Variants in SEMA3F observed in about 807,000 individuals in gnomAD.
SEMA3F encodes semaphorin 3F.
Under a neutral mutation model 98.5 loss-of-function variants are expected in SEMA3F, and 30 were observed. That is an observed-to-expected ratio of 0.30 (90% CI 0.23 to 0.41). The LOEUF (loss-of-function observed/expected upper bound fraction) is 0.41, where lower values mean the gene tolerates loss of function less well. Ranked by LOEUF, SEMA3F falls within the 10% of genes least tolerant of loss-of-function variation. The pLI is 1.00. For missense variants in SEMA3F, 866 were observed against 1,119.3 expected, an observed-to-expected ratio of 0.77 and a Z score of 3.23; for synonymous variants, 380 against 444.8, an observed-to-expected ratio of 0.85 and a Z score of 1.83.
At chr3:50,184,965 A>G (rs1699154965) in intron 13 of SEMA3F, 151 bp downstream of exon 13, 2 of 643,382 alleles carry the variant, frequency 3.1e-6, no homozygotes, top group African/African-American at 3.7e-5. Context: ...CTCCCTATTG[A>G]TGGGATAACA....
Position 50,174,089 on chromosome 3 carries a change from G to A in SEMA3F, c.311G>A (p.Cys104Tyr). ...GCCTCCCCACAGCGCATCGAGGAAT[G>A]CGTGCTCTCAGGCAAGGATGTCAAC... Reference protein sequence around the residue: ...WAASPQRIEECVLSGKDVNGE... With the variant: ...WAASPQRIEEYVLSGKDVNGE... The change falls in exon 4 of 19, where the codon TGC (cysteine) becomes TAC (tyrosine). Residue 104 changes from cysteine to tyrosine, a missense_variant. Coordinates refer to ENST00000002829, the MANE Select transcript of SEMA3F (RefSeq NM_004186.5). 1 of 1,614,144 alleles carries A rather than the reference G, an allele frequency of 6.2e-7. No homozygotes were observed. The highest frequency in any genetic ancestry group is 8.5e-7 in the Non-Finnish European group (1 of 1,180,032).
At chr3:50,165,900 G>C (rs1698386098) in intron 2 of SEMA3F, among the ~76,000 whole-genome samples, 2 of 152,212 alleles carry the variant, frequency 1.3e-5, no homozygotes, top group African/African-American at 4.8e-5. Context: ...GCTGGCCTAG[G>C]ATTGGGGGGC....
At chr3:50,163,107 G>T (rs1410331943) in intron 2 of SEMA3F, among the ~76,000 whole-genome samples, 1 of 152,170 alleles carries the variant, frequency 6.6e-6, no homozygotes, top group African/African-American at 2.4e-5. Flanking sequence ...TGGAGGGCAG[G>T]GATGGTGGTG....
intron 12 of SEMA3F, chr3:50,184,388 G>A: frequency 1.7e-6 from 1 of 590,190 alleles, no homozygotes; most frequent in Non-Finnish European, 3.0e-6. Context: ...CAGGGAGGTG[G>A]CTGTGGCATT....
chr3:50,183,904 C>T (rs1426117493), intron 12 of SEMA3F, among the ~76,000 whole-genome samples: 1 of 151,914 alleles, frequency 6.6e-6, no homozygotes, highest in East Asian at 1.9e-4. Context: ...AGGCAAAGAG[C>T]TGGGGAGGGG....
At chr3:50,173,492 A>G (rs1299438422) in intron 2 of SEMA3F, 4 of 360,126 alleles carry the variant, frequency 1.1e-5, no homozygotes, top group African/African-American at 6.3e-5. Flanking sequence ...CAAACAAAAA[A>G]TAAGCTGGGT....
At chr3:50,177,651 CAG>C (rs1400014686) in intron 7 of SEMA3F, among the ~76,000 whole-genome samples, 1 of 152,218 alleles carries the variant, frequency 6.6e-6, no homozygotes, top group Non-Finnish European at 1.5e-5. Flanking sequence ...GGGGGAGCCT[CAG>C]ATGTGGTATG....
chr3:50,166,063 G>A lies in SEMA3F; in HGVS notation c.112+6329G>A, dbSNP rs1700439318. 6.6e-6 allele frequency among the ~76,000 whole-genome samples: 1 copy of A among 152,150 alleles called. No individual in the cohort carries two copies. The highest frequency in any genetic ancestry group is 2.1e-4 in the South Asian group (1 of 4,828). On this transcript the variant is annotated intron_variant, in intron 2 of 18. Transcript: ENST00000002829. This position sits in a 1 kb window ranked among gnomAD's most constrained non-coding sequence, Gnocchi z 4.7. ...AACCGGCCCCTCCAGGGATCAGGAA[G>A]CCTCAGCTCCGGATCCCCCTTCCCC...
chr3:50,182,759 C>T lies in SEMA3F; in HGVS notation c.879C>T (p.Tyr293=), dbSNP rs774969605. 56 of 1,612,950 alleles carry T rather than the reference C, an allele frequency of 3.5e-5. No individual in the cohort carries two copies. Among genetic ancestry groups the T allele is most frequent in the South Asian group, 1.5e-4 (14 of 91,074 alleles). Residue 293 remains tyrosine, a synonymous_variant, in exon 9 of 19, where the codon TAC becomes TAT. Coordinates refer to ENST00000002829, the MANE Select transcript of SEMA3F (RefSeq NM_004186.5). The surrounding 1 kb of genome is among the most constrained non-coding windows in gnomAD (Gnocchi z 4.5). ...AGGCGCCGCAGAGCCCCGCGGTGTACGCCCGCATCGGGCGCATTTGCCTGG... is the reference window on the plus strand; with the variant it reads ...AGGCGCCGCAGAGCCCCGCGGTGTATGCCCGCATCGGGCGCATTTGCCTGG... The part of the protein sequence containing the change: ...SAEAPQSPAV[Y]ARIGRICLND...
At chr3:50,178,823 CT>C (rs1698913088) in intron 7 of SEMA3F, among the ~76,000 whole-genome samples, 1 of 128,398 alleles carries the variant, frequency 7.8e-6, no homozygotes, top group African/African-American at 2.8e-5. Flanking sequence ...TTGCAAAATT[CT>C]TTTTCTTTTT....
chr3:50,159,638 C>T lies in SEMA3F; in HGVS notation c.16C>T (p.Leu6Phe), dbSNP rs1029192625. The T allele has an allele frequency of 6.2e-7, 1 of 1,610,770 alleles. No homozygotes were observed. Among genetic ancestry groups the T allele is most frequent in the Non-Finnish European group, 8.5e-7 (1 of 1,178,364 alleles). The part of the protein sequence containing the change: MLVAG[L>F]LLWASLLTGA... ...CCCTCCCACAATGCTTGTCGCCGGTCTTCTTCTCTGGGCTTCCCTACTGAC... is the reference window on the plus strand; with the variant it reads ...CCCTCCCACAATGCTTGTCGCCGGTTTTCTTCTCTGGGCTTCCCTACTGAC... Residue 6 changes from leucine to phenylalanine, a missense_variant, in exon 2 of 19, where the codon CTT (leucine) becomes TTT (phenylalanine). Physicochemically the swap from Leu to Phe is conservative, Grantham distance 22 (BLOSUM62 0). This residue lies in a region of SEMA3F where 247 missense variants were observed against 276.0 expected (regional missense o/e 0.89). Transcript: ENST00000002829.
chr3:50,176,893 C>T, intron 7 of SEMA3F, 32 bp downstream of exon 7: 1 of 1,536,348 alleles, frequency 6.5e-7, no homozygotes, highest in Middle Eastern at 1.7e-4. Flanking sequence ...TCTACAGTCT[C>T]AATGTGTGGC....
intron 12 of SEMA3F, chr3:50,184,330 AGTG>A: frequency 1.9e-6 from 1 of 536,966 alleles, no homozygotes; most frequent in Non-Finnish European, 3.4e-6. Flanking sequence ...CATGGAAGGG[AGTG>A]GTCCGCTTGG....
At position 50,159,676 on chromosome 3, in the gene SEMA3F, A is replaced by G. The variant is rs1202265629; in HGVS notation, c.54A>G (p.Pro18=). 6.2e-7 allele frequency: 1 copy of G among 1,613,114 alleles called. No individual in the cohort carries two copies. Among genetic ancestry groups the G allele is most frequent in the Non-Finnish European group, 8.5e-7 (1 of 1,179,686 alleles). Residue 18 remains proline (P), a synonymous_variant, in exon 2 of 19, where the codon CCA becomes CCG. Coordinates refer to ENST00000002829, the MANE Select transcript of SEMA3F (RefSeq NM_004186.5). ...LWASLLTGAW[P]SFPTQDHLPA... ...CTTCCCTACTGACCGGGGCCTGGCCATCCTTCCCCACCCAGGACCACCTCC... is the reference window on the plus strand; with the variant it reads ...CTTCCCTACTGACCGGGGCCTGGCCGTCCTTCCCCACCCAGGACCACCTCC...
chr3:50,182,807 G>T lies in SEMA3F; in HGVS notation c.903+24G>T, dbSNP rs1233650897. ...TGGTATGCATTGGCAGAGCCACCAG[G>T]CTGCCCCTTCCACCAGTTCTGGCTT... On this transcript the variant is annotated intron_variant, in intron 9 of 18. Transcript: ENST00000002829. This position sits in a 1 kb window ranked among gnomAD's most constrained non-coding sequence, Gnocchi z 4.5. The T allele has an allele frequency of 6.2e-7, 1 of 1,611,478 alleles. No homozygotes were observed. Among genetic ancestry groups the T allele is most frequent in the African/African-American group, 1.3e-5 (1 of 75,036 alleles).
In SEMA3F at chr3:50,184,660, C is replaced by T. The variant is rs757494453; in HGVS notation, c.1302C>T (p.Phe434=). Reference sequence around the variant, plus strand: ...ATTATCCTGATGAGGTGATCAACTTCATGCGCAGCCACCCACTCATGTACC... The same window carrying T: ...ATTATCCTGATGAGGTGATCAACTTTATGCGCAGCCACCCACTCATGTACC... ...TKDYPDEVIN[F]MRSHPLMYQA... Residue 434 remains phenylalanine (F), a synonymous_variant, in exon 13 of 19, where the codon TTC becomes TTT. Coordinates refer to ENST00000002829, the MANE Select transcript of SEMA3F (RefSeq NM_004186.5). 47 of 1,614,062 alleles carry T rather than the reference C, an allele frequency of 2.9e-5. No individual in the cohort carries two copies. The South Asian group carries it at 4.6e-4, about 16-fold the overall frequency.
chr3:50,186,834 C>T (rs1699241109), intron 18 of SEMA3F, 88 bp downstream of exon 18: 1 of 1,340,280 alleles, frequency 7.5e-7, no homozygotes, highest in African/African-American at 1.5e-5. Context: ...GAGCAACTCT[C>T]ATGCTGTGAA....
chr3:50,187,794 A>G lies in SEMA3F; in HGVS notation c.2037A>G (p.Thr679=), dbSNP rs770519508. 6.2e-6 allele frequency: 10 copies of G among 1,613,564 alleles called. No homozygotes were observed. Among genetic ancestry groups the G allele is most frequent in the Admixed American group, 1.7e-5 (1 of 60,028 alleles). ...GCGATCGTGGCCTCTACTCCTGCAC[A>G]GCCACTGAGAACAACTTTAAGCACG... ...QLSDRGLYSC[T]ATENNFKHVV... is the part of the protein sequence containing the mutation. Residue 679 remains threonine (T), a synonymous_variant, in exon 19 of 19, where the codon ACA becomes ACG. Transcript: ENST00000002829.
At chr3:50,163,636 G>T (rs1242890881) in intron 2 of SEMA3F, among the ~76,000 whole-genome samples, 1 of 152,262 alleles carries the variant, frequency 6.6e-6, no homozygotes, top group Non-Finnish European at 1.5e-5. Flanking sequence ...TGGTGCAGGA[G>T]TAGGGGTGGG....
Sources: gnomAD v4.1 joint callset for allele counts (sites outside exome capture counted in the v4.1 genomes callset) on GRCh38, gnomAD v4.1.1 for gene constraint, gnomAD v4.1.1 regional missense constraint, Gnocchi (gnomAD v3.1) non-coding constraint, MANE v1.5 for transcripts, NCBI Gene and HGNC (gene_info 2026-07-23, HGNC 2026-07-21) for gene names.